Variants in DCLK1 observed in about 807,000 individuals in gnomAD.
The protein encoded by DCLK1 is doublecortin like kinase 1.
A neutral mutation model predicts 86.2 loss-of-function variants in DCLK1; 16 were observed. That is an observed-to-expected ratio of 0.19 (90% CI 0.13 to 0.28). The LOEUF is 0.28. Ranked by LOEUF, DCLK1 falls within the 10% of genes least tolerant of loss-of-function variation. DCLK1 has a pLI of 1.00. For missense variants in DCLK1, 590 were observed against 940.2 expected (o/e 0.63, Z 4.87); for synonymous variants, 369 against 370.5 (o/e 1.00, Z 0.05).
At chr13:36,074,265 G>C (rs1884085563) in intron 3 of DCLK1, among the ~76,000 whole-genome samples, 1 of 151,948 alleles carries the variant, frequency 6.6e-6, no homozygotes, top group South Asian at 2.1e-4. Flanking sequence ...CACTTTGGGA[G>C]GCCGAGGCGG....
chr13:35,871,068 C>T (rs1182421941), intron 5 of DCLK1, among the ~76,000 whole-genome samples, 156 bp downstream of exon 5: 6 of 152,198 alleles, frequency 3.9e-5, no homozygotes, highest in Non-Finnish European at 7.3e-5. Flanking sequence ...ATATGCTAGA[C>T]TCCAGCAAAT....
intron 3 of DCLK1, among the ~76,000 whole-genome samples, chr13:36,007,466 C>T (rs115543991): frequency 1.9e-3 from 291 of 152,266 alleles, no homozygotes; most frequent in African/African-American, 4.1e-3. Flanking sequence ...GCAAAATCTC[C>T]GCCAAATTCC....
chr13:35,986,783 T>C (rs1566633677), intron 3 of DCLK1, among the ~76,000 whole-genome samples: 1 of 152,142 alleles, frequency 6.6e-6, no homozygotes, highest in Non-Finnish European at 1.5e-5. Flanking sequence ...GATCCTTCCC[T>C]AAGCAGAGGC....
chr13:35,851,995 A>ATGTGTGTG (rs1555344390), intron 6 of DCLK1, among the ~76,000 whole-genome samples: 3 of 143,628 alleles, frequency 2.1e-5, no homozygotes, highest in Admixed American at 7.0e-5. Flanking sequence ...ATGTGTGTGT[A>ATGTGTGTG]TGTGTGTGTG....
At chr13:36,014,199 G>A (rs370636834) in intron 3 of DCLK1, among the ~76,000 whole-genome samples, 1,935 of 152,298 alleles carry the variant, frequency 0.013, 37 homozygotes, top group African/African-American at 0.044. Flanking sequence ...GCTGTAGACC[G>A]GAGCTGTTCC....
At chr13:35,850,572 T>C (rs1186542985) in intron 6 of DCLK1, 1 of 1,261,730 alleles carries the variant, frequency 7.9e-7, no homozygotes, top group Non-Finnish European at 1.0e-6. Context: ...GAAAACAAAA[T>C]GCATACATAT....
At chr13:35,933,441 G>T (rs1326313513) in intron 4 of DCLK1, among the ~76,000 whole-genome samples, 1 of 152,206 alleles carries the variant, frequency 6.6e-6, no homozygotes, top group Non-Finnish European at 1.5e-5. Context: ...CCTAGCAGAG[G>T]TTCTCCATGA....
intron 3 of DCLK1, among the ~76,000 whole-genome samples, chr13:36,110,582 G>A (rs887698309): frequency 3.9e-5 from 6 of 152,014 alleles, no homozygotes; most frequent in Middle Eastern, 3.2e-3. Context: ...GTTTGAATGC[G>A]CTAGCCTTTA....
At chr13:36,052,918 T>G (rs1268301256) in intron 3 of DCLK1, among the ~76,000 whole-genome samples, 6 of 152,132 alleles carry the variant, frequency 3.9e-5, no homozygotes, top group Non-Finnish European at 5.9e-5. Context: ...TGCTAAGTAG[T>G]CTCTCAGCCT....
intron 2 of DCLK1, 144 bp from the exon 3 acceptor site, chr13:36,112,359 G>A: frequency 1.7e-6 from 1 of 575,856 alleles, no homozygotes; most frequent in Non-Finnish European, 2.8e-6. Flanking sequence ...TAATAATTAG[G>A]GAAAAAGAAA....
chr13:35,896,149 G>C (rs1040399882), intron 4 of DCLK1, among the ~76,000 whole-genome samples: 5 of 152,128 alleles, frequency 3.3e-5, no homozygotes, highest in African/African-American at 1.2e-4. Flanking sequence ...AAGAAAATTG[G>C]TAAGATTTGC....
chr13:36,084,309 T>C (rs910780481), intron 3 of DCLK1, among the ~76,000 whole-genome samples: 26 of 152,218 alleles, frequency 1.7e-4, no homozygotes, highest in African/African-American at 6.3e-4. Context: ...TTCTTGGTTT[T>C]AGAAACTGGA....
At chr13:35,893,111 G>A (rs915675165) in intron 4 of DCLK1, among the ~76,000 whole-genome samples, 2 of 152,212 alleles carry the variant, frequency 1.3e-5, no homozygotes, top group Admixed American at 1.3e-4. Flanking sequence ...AATGAACGGT[G>A]AATGAAGAAA....
intron 3 of DCLK1, among the ~76,000 whole-genome samples, chr13:35,956,123 T>C (rs1022531974): frequency 2.6e-5 from 4 of 152,104 alleles, no homozygotes; most frequent in Non-Finnish European, 4.4e-5. Flanking sequence ...TAAAGGATAG[T>C]CCAAGAAAAT....
intron 8 of DCLK1, among the ~76,000 whole-genome samples, chr13:35,835,516 T>C (rs939843346): frequency 6.6e-6 from 1 of 152,354 alleles, no homozygotes; most frequent in Non-Finnish European, 1.5e-5. Context: ...AACCTCAGGA[T>C]AAACCCTTCC....
intron 3 of DCLK1, among the ~76,000 whole-genome samples, chr13:35,970,609 T>G (rs1195103202): frequency 1.3e-5 from 2 of 152,174 alleles, no homozygotes; most frequent in Non-Finnish European, 2.9e-5. Context: ...TGAAGAATAG[T>G]GTTCCTCCTT....
chr13:36,017,109 A>C (rs1262864759), intron 3 of DCLK1, among the ~76,000 whole-genome samples: 1 of 152,248 alleles, frequency 6.6e-6, no homozygotes, highest in Non-Finnish European at 1.5e-5. Context: ...TGTGAAAGCA[A>C]AGATGTATTT....
intron 3 of DCLK1, among the ~76,000 whole-genome samples, chr13:36,027,310 T>C (rs1158895967): frequency 6.6e-6 from 1 of 152,214 alleles, no homozygotes; most frequent in Non-Finnish European, 1.5e-5. Flanking sequence ...TTCACACTCC[T>C]GTAAGAATCT....
chr13:36,090,359 A>T (rs941844156), intron 3 of DCLK1, among the ~76,000 whole-genome samples: 1 of 152,188 alleles, frequency 6.6e-6, no homozygotes, highest in Non-Finnish European at 1.5e-5. Flanking sequence ...AGTCATTGAA[A>T]AGATCAGCTG....
Sources: gnomAD v4.1 joint callset for allele counts (sites outside exome capture counted in the v4.1 genomes callset) on GRCh38, gnomAD v4.1.1 for gene constraint, MANE v1.5 for transcripts, NCBI Gene and HGNC (gene_info 2026-07-23, HGNC 2026-07-21) for gene names.